The following PARD3B variants were observed in gnomAD, a reference collection of about 807,000 sequenced individuals.
PARD3B encodes the protein partitioning defective 3 homolog B.
Under a neutral mutation model 130.2 loss-of-function variants are expected in PARD3B, and 103 were observed. The ratio of observed to expected loss-of-function variants is 0.79; its 90% CI spans 0.67 to 0.93. The LOEUF (loss-of-function observed/expected upper bound fraction) is 0.93. PARD3B is among the 40% of genes least tolerant of loss of function. The probability of loss-of-function intolerance (pLI) is 0.00; values close to 1 mark genes in which losing one functional copy is unlikely to be tolerated. For missense variants in PARD3B, 1,609 were observed against 1,499.2 expected (o/e 1.07, Z -1.21); for synonymous variants, 583 against 553.2 (o/e 1.05, Z -0.76).
intron 2 of PARD3B, among the ~76,000 whole-genome samples, chr2:204,874,007 G>T (rs958583711): frequency 3.0e-4 from 46 of 152,098 alleles, no homozygotes; most frequent in African/African-American, 1.1e-3. Context: ...GCTGGGCATG[G>T]TGGCGGGTAC....
intron 15 of PARD3B, among the ~76,000 whole-genome samples, chr2:205,194,946 G>T (rs1035415459): frequency 9.0e-6 from 1 of 110,696 alleles, no homozygotes; most frequent in African/African-American, 3.8e-5. Flanking sequence ...ACCACGCCAG[G>T]CTAATTTTTT....
intron 1 of PARD3B, among the ~76,000 whole-genome samples, chr2:204,555,365 C>G (rs1343114621): frequency 6.6e-6 from 1 of 152,074 alleles, no homozygotes; most frequent in African/African-American, 2.4e-5. Flanking sequence ...CAAGACCAGC[C>G]TGGGCAACAT....
At chr2:204,925,441 A>G (rs543239406) in intron 2 of PARD3B, among the ~76,000 whole-genome samples, 1 of 152,204 alleles carries the variant, frequency 6.6e-6, no homozygotes, top group South Asian at 2.1e-4. Flanking sequence ...TGACCTTGTA[A>G]TTGAGCTCCT....
At chr2:205,070,942 G>T (rs1417982561) in intron 4 of PARD3B, among the ~76,000 whole-genome samples, 1 of 151,888 alleles carries the variant, frequency 6.6e-6, no homozygotes, top group East Asian at 1.9e-4. Context: ...GCTTTCCACA[G>T]CTTTCTATAA....
At chr2:205,442,780 C>T (rs1157402612) in intron 20 of PARD3B, among the ~76,000 whole-genome samples, 1 of 152,106 alleles carries the variant, frequency 6.6e-6, no homozygotes, top group African/African-American at 2.4e-5. Flanking sequence ...TAATCTATGT[C>T]GACGTGACCA....
At chr2:205,202,437 TG>T (rs1490367109) in intron 15 of PARD3B, among the ~76,000 whole-genome samples, 1 of 152,232 alleles carries the variant, frequency 6.6e-6, no homozygotes, top group Non-Finnish European at 1.5e-5. Context: ...AATTTGACTT[TG>T]TATTCATTCT....
At chr2:204,710,000 G>T (rs1417992760) in intron 2 of PARD3B, among the ~76,000 whole-genome samples, 1 of 152,218 alleles carries the variant, frequency 6.6e-6, no homozygotes, top group South Asian at 2.1e-4. Context: ...GGAAAACAGG[G>T]CCTTTTCCAA....
intron 1 of PARD3B, among the ~76,000 whole-genome samples, chr2:204,553,072 A>G (rs2030583603): frequency 6.6e-6 from 1 of 152,172 alleles, no homozygotes; most frequent in East Asian, 1.9e-4. Context: ...AAAAAACCAA[A>G]CAATCCCATC....
chr2:204,783,675 C>T (rs545252365), intron 2 of PARD3B, among the ~76,000 whole-genome samples: 88 of 152,178 alleles, frequency 5.8e-4, no homozygotes, highest in African/African-American at 2.0e-3. Context: ...TAGGGACAAC[C>T]TACTTTACAA....
At chr2:204,938,737 T>G (rs926215758) in intron 2 of PARD3B, among the ~76,000 whole-genome samples, 1 of 152,234 alleles carries the variant, frequency 6.6e-6, no homozygotes, top group African/African-American at 2.4e-5. Flanking sequence ...TTTTTAAACA[T>G]TCTTCAGATG....
intron 18 of PARD3B, chr2:205,348,108 C>G (rs868855357): frequency 3.3e-5 from 5 of 152,154 alleles, no homozygotes; most frequent in Middle Eastern, 3.2e-3. Context: ...CAATCATGAC[C>G]GAGAGCTGCC....
intron 1 of PARD3B, among the ~76,000 whole-genome samples, chr2:204,667,717 G>A (rs1559043073): frequency 1.3e-5 from 2 of 152,112 alleles, no homozygotes; most frequent in Non-Finnish European, 2.9e-5. Context: ...GTCACAAATA[G>A]TGAAAAAGGC....
At chr2:205,456,949 G>T (rs140642747) in intron 20 of PARD3B, among the ~76,000 whole-genome samples, 8 of 149,560 alleles carry the variant, frequency 5.3e-5, no homozygotes, top group Non-Finnish European at 3.0e-5. Context: ...TTAATAAATC[G>T]TTTAATAATT....
chr2:205,548,856 G>A lies in PARD3B; in HGVS notation c.3181-4468G>A, dbSNP rs191894585. Among the ~76,000 whole-genome samples the A allele has an allele frequency of 3.6e-4, 55 of 152,110 alleles. 1 individual carries two copies. Among genetic ancestry groups the A allele is most frequent in the Non-Finnish European group, 5.9e-4 (40 of 67,990 alleles). On this transcript the variant is annotated intron_variant, in intron 21 of 22. Transcript: ENST00000406610. The stretch of plus-strand genomic sequence containing the variant: ...AGAAGCTACAGATTGGGAGAAAAAC[G>A]TTTGCAAAACACACATCTGATAATG...
At position 205,258,360 on chromosome 2, in the gene PARD3B, C is replaced by A. The variant is rs905225601; in HGVS notation, c.2185+12538C>A. Among the ~76,000 whole-genome samples the A allele has an allele frequency of 6.6e-6, 1 of 152,178 alleles. No individual in the cohort carries two copies. The highest frequency in any genetic ancestry group is 1.5e-5 in the Non-Finnish European group (1 of 68,030). ...CAGAGTGATCTTCCACTCTATACGG[C>A]TGATTCACTCTGATTCAATTCTCAG... is the stretch of plus-strand genomic sequence containing the variant. On this transcript the variant is annotated intron_variant, in intron 16 of 22. Coordinates refer to ENST00000406610, the MANE Select transcript of PARD3B (RefSeq NM_001302769.2). The surrounding 1 kb of genome is among the most constrained non-coding windows in gnomAD (Gnocchi z 4.9).
intron 3 of PARD3B, among the ~76,000 whole-genome samples, chr2:205,022,891 C>T (rs1022796662): frequency 1.3e-5 from 2 of 152,150 alleles, no homozygotes; most frequent in East Asian, 3.9e-4. Context: ...TTTTGCTTGC[C>T]TCTTGTTAGT....
At chr2:204,966,652 C>T (rs562980451) in intron 3 of PARD3B, among the ~76,000 whole-genome samples, 2 of 152,254 alleles carry the variant, frequency 1.3e-5, no homozygotes, top group East Asian at 3.9e-4. Flanking sequence ...TTTCACCTCT[C>T]TCTTATGAGC....
intron 6 of PARD3B, among the ~76,000 whole-genome samples, chr2:205,114,445 G>A (rs1161896579): frequency 6.6e-6 from 1 of 152,024 alleles, no homozygotes; most frequent in African/African-American, 2.4e-5. Context: ...TTAACTTACT[G>A]AATTTATTTT....
At chr2:205,035,805 A>C (rs1338331947) in intron 3 of PARD3B, among the ~76,000 whole-genome samples, 6 of 6,932 alleles carry the variant, frequency 8.7e-4, no homozygotes, top group Non-Finnish European at 2.4e-3. Context: ...TCTCATATAT[A>C]TATATATATA....
Sources: gnomAD v4.1 joint callset for allele counts (sites outside exome capture counted in the v4.1 genomes callset) on GRCh38, gnomAD v4.1.1 for gene constraint, Gnocchi (gnomAD v3.1) non-coding constraint, MANE v1.5 for transcripts, NCBI Gene and HGNC (gene_info 2026-07-23, HGNC 2026-07-21) for gene names.